KRTAP10-12: variants seen among roughly 807,000 people sequenced by gnomAD.
KRTAP10-12 encodes keratin-associated protein 10-12.
For synonymous variants in KRTAP10-12, 142 were observed against 139.1 expected, an observed-to-expected ratio of 1.02 and a Z score of -0.14; for missense variants, 311 against 324.4, an observed-to-expected ratio of 0.96 and a Z score of 0.32.
Position 44,697,504 on chromosome 21 carries a change from G to C in KRTAP10-12, c.303G>C (p.Gln101His). ...CTTGCTGCACCTCCTCCCCCTGCCA[G>C]CAGGCCTGCTGCGTGCCCGTCTGCT... ...QPACCTSSPC[Q>H]QACCVPVCCK... is the part of the protein sequence containing the mutation. The change falls in exon 1 of 1, where the codon CAG (glutamine) becomes CAC (histidine). Residue 101 changes from glutamine (Q) to histidine (H), a missense_variant. Physicochemically the swap from Gln to His is conservative, Grantham distance 24. Coordinates refer to ENST00000400365, the MANE Select transcript of KRTAP10-12 (RefSeq NM_198699.1). 6.2e-7 allele frequency: 1 copy of C among 1,612,586 alleles called. No individual in the cohort carries two copies. The highest frequency in any genetic ancestry group is 1.1e-5 in the South Asian group (1 of 90,972).
rs782587806 is a variant in KRTAP10-12 at position 44,697,821 on chromosome 21, G to A, written c.620G>A (p.Arg207His). The A allele has an allele frequency of 3.8e-5, 61 of 1,613,094 alleles. No homozygotes were observed. The highest frequency in any genetic ancestry group is 3.2e-4 in the South Asian group (29 of 91,026). ...LLCRPVCRPARRVPVPSCCVP... is the reference protein window; with the variant it reads ...LLCRPVCRPAHRVPVPSCCVP... Reference sequence around the variant, plus strand: ...TGCCGCCCTGTGTGCAGACCCGCCCGCCGCGTGCCCGTCCCCTCCTGCTGT... The same window carrying A: ...TGCCGCCCTGTGTGCAGACCCGCCCACCGCGTGCCCGTCCCCTCCTGCTGT... Residue 207 changes from arginine (R) to histidine (H), a missense_variant, in exon 1 of 1, where the codon CGC (arginine) becomes CAC (histidine). Arg to His is a conservative substitution (Grantham distance 29). Coordinates refer to ENST00000400365, the MANE Select transcript of KRTAP10-12 (RefSeq NM_198699.1).
rs1555950776 is a variant in KRTAP10-12, at chr21:44,697,348, C to G, written c.147C>G (p.Ser49Arg). The G allele has an allele frequency of 1.2e-6, 2 of 1,612,814 alleles. No individual in the cohort carries two copies. The highest frequency in any genetic ancestry group is 2.7e-5 in the African/African-American group (2 of 74,594). ...GCTGCGCCCCGGCCCCCTGCCTGAGCCTGGTCTGCACCCCAGTGAGCCGTG... is the reference window on the plus strand; with the variant it reads ...GCTGCGCCCCGGCCCCCTGCCTGAGGCTGGTCTGCACCCCAGTGAGCCGTG... ...PPCCAPAPCL[S>R]LVCTPVSRVS... The change falls in exon 1 of 1, where the codon AGC becomes AGG. Residue 49 changes from serine to arginine, a missense_variant. Coordinates refer to ENST00000400365, the MANE Select transcript of KRTAP10-12 (RefSeq NM_198699.1).
rs1555950877 is a variant in KRTAP10-12, at chr21:44,697,561, T to C, written c.360T>C (p.Cys120=). 3 of 1,613,762 alleles carry C rather than the reference T, an allele frequency of 1.9e-6. No individual in the cohort carries two copies. Among genetic ancestry groups the C allele is most frequent in the Admixed American group, 3.3e-5 (2 of 59,974 alleles). The part of the protein sequence containing the change: ...CKTVCCKPVC[C]MPVCCGPSSS... ...CTGTCTGCTGCAAGCCTGTGTGCTG[T>C]ATGCCCGTCTGCTGTGGGCCTTCTT... The change falls in exon 1 of 1, where the codon TGT becomes TGC. Residue 120 remains cysteine (C), a synonymous_variant. Coordinates refer to ENST00000400365, the MANE Select transcript of KRTAP10-12 (RefSeq NM_198699.1).
In KRTAP10-12 at chr21:44,697,200, C is replaced by T. The variant is rs782033461; in HGVS notation, c.-2C>T. On this transcript the variant is annotated 5_prime_UTR_variant, in exon 1 of 1. Transcript: ENST00000400365. Reference sequence around the variant, plus strand: ...TCAACCCCCAGCACGGCTGCATCCACCATGTCCGTCTGCTCCAGCGACCTG... The same window carrying T: ...TCAACCCCCAGCACGGCTGCATCCATCATGTCCGTCTGCTCCAGCGACCTG... 13 of 1,613,198 alleles carry T rather than the reference C, an allele frequency of 8.1e-6. No homozygotes were observed. The highest frequency in any genetic ancestry group is 1.7e-6 in the Non-Finnish European group (2 of 1,179,546).
In KRTAP10-12 at chr21:44,697,655, T is replaced by G. The variant is rs1555950912; in HGVS notation, c.454T>G (p.Cys152Gly). The G allele has an allele frequency of 1.2e-6, 2 of 1,614,002 alleles. No individual in the cohort carries two copies. Among genetic ancestry groups the G allele is most frequent in the Admixed American group, 3.3e-5 (2 of 60,004 alleles). Residue 152 changes from cysteine to glycine, a missense_variant, in exon 1 of 1, where the codon TGT (cysteine) becomes GGT (glycine). Coordinates refer to ENST00000400365, the MANE Select transcript of KRTAP10-12 (RefSeq NM_198699.1). ...CISSPCQQSCCVPVCCKPICC... is the reference protein window; with the variant it reads ...CISSPCQQSCGVPVCCKPICC... ...CTCCTCCCCGTGTCAACAGTCCTGC[T>G]GTGTGCCCGTCTGCTGCAAGCCCAT...
rs374262694 is a variant in KRTAP10-12 at position 44,697,549 on chromosome 21, G to C, written c.348G>C (p.Lys116Asn). The C allele has an allele frequency of 1.1e-5, 17 of 1,613,454 alleles. No individual in the cohort carries two copies. Among genetic ancestry groups the C allele is most frequent in the Middle Eastern group, 1.6e-4 (1 of 6,082 alleles). The change falls in exon 1 of 1, where the codon AAG (lysine) becomes AAC (asparagine). Residue 116 changes from lysine (K) to asparagine (N), a missense_variant. By Grantham distance (94) the Lys-to-Asn change is moderately conservative. Transcript: ENST00000400365. ...VPVCCKTVCC[K>N]PVCCMPVCCG... ...TCTGCTGCAAGACTGTCTGCTGCAA[G>C]CCTGTGTGCTGTATGCCCGTCTGCT...
In KRTAP10-12 at chr21:44,697,189, G is replaced by C; in HGVS notation, c.-13G>C. 6.2e-7 allele frequency: 1 copy of C among 1,611,406 alleles called. No individual in the cohort carries two copies. Among genetic ancestry groups the C allele is most frequent in the Non-Finnish European group, 8.5e-7 (1 of 1,178,640 alleles). ...GCTCCCCCAGCTCAACCCCCAGCAC[G>C]GCTGCATCCACCATGTCCGTCTGCT... is the stretch of plus-strand genomic sequence containing the variant. On this transcript the variant is annotated 5_prime_UTR_variant, in exon 1 of 1. Coordinates refer to ENST00000400365, the MANE Select transcript of KRTAP10-12 (RefSeq NM_198699.1).
rs556006639 is a variant in KRTAP10-12, at chr21:44,697,476, C to A, written c.275C>A (p.Pro92Gln). 5.6e-6 allele frequency: 9 copies of A among 1,613,994 alleles called. No individual in the cohort carries two copies. In the South Asian group the frequency reaches 9.9e-5, roughly 18 times the overall value. Reference protein sequence around the residue: ...PSCCQQSSCQPACCTSSPCQQ... With the variant: ...PSCCQQSSCQQACCTSSPCQQ... ...TGCTGCCAGCAGTCTAGCTGCCAGCCGGCTTGCTGCACCTCCTCCCCCTGC... is the reference window on the plus strand; with the variant it reads ...TGCTGCCAGCAGTCTAGCTGCCAGCAGGCTTGCTGCACCTCCTCCCCCTGC... The change falls in exon 1 of 1, where the codon CCG becomes CAG. Residue 92 changes from proline to glutamine, a missense_variant. Transcript: ENST00000400365.
Position 44,697,439 on chromosome 21 carries a change from T to C in KRTAP10-12, c.238T>C (p.Cys80Arg). 3.7e-6 allele frequency: 6 copies of C among 1,614,054 alleles called. No individual in the cohort carries two copies. Among genetic ancestry groups the C allele is most frequent in the Non-Finnish European group, 4.2e-6 (5 of 1,180,028 alleles). The change falls in exon 1 of 1, where the codon TGC becomes CGC. Residue 80 changes from cysteine to arginine, a missense_variant. By Grantham distance (180) the Cys-to-Arg change is radical. Transcript: ENST00000400365. Reference sequence around the variant, plus strand: ...CTGCCAATCAGGCTGCACCAGCTCCTGCACGCCCTCGTGCTGCCAGCAGTC... The same window carrying C: ...CTGCCAATCAGGCTGCACCAGCTCCCGCACGCCCTCGTGCTGCCAGCAGTC... ...SPCQSGCTSS[C>R]TPSCCQQSSC... is the part of the protein sequence containing the mutation.
Position 44,697,233 on chromosome 21 carries a change from G to A in KRTAP10-12, c.32G>A (p.Gly11Asp). Residue 11 changes from glycine to aspartate, a missense_variant, in exon 1 of 1, where the codon GGC (glycine) becomes GAC (aspartate). Transcript: ENST00000400365. MSVCSSDLSY[G>D]SRVCLPGSCD... ...GTCTGCTCCAGCGACCTGAGCTATG[G>A]CAGCCGCGTCTGCCTTCCTGGTTCC... 2 of 1,614,018 alleles carry A rather than the reference G, an allele frequency of 1.2e-6. No homozygotes were observed. The highest frequency in any genetic ancestry group is 2.2e-5 in the South Asian group (2 of 91,062).
Position 44,697,391 on chromosome 21 carries a change from C to G in KRTAP10-12, c.190C>G (p.Arg64Gly), listed in dbSNP as rs370764650. 2 of 1,613,462 alleles carry G rather than the reference C, an allele frequency of 1.2e-6. No individual in the cohort carries two copies. The highest frequency in any genetic ancestry group is 1.7e-6 in the Non-Finnish European group (2 of 1,180,004). Reference sequence around the variant, plus strand: ...GAGCCGTGTATCCAGCCCCTGCTGCCGAGTGACCTGTGAGCCCAGCCCCTG... The same window carrying G: ...GAGCCGTGTATCCAGCCCCTGCTGCGGAGTGACCTGTGAGCCCAGCCCCTG... ...PVSRVSSPCC[R>G]VTCEPSPCQS... The change falls in exon 1 of 1, where the codon CGA becomes GGA. Residue 64 changes from arginine (R) to glycine (G), a missense_variant. By Grantham distance (125) the Arg-to-Gly change is moderately radical (BLOSUM62 -2). Coordinates refer to ENST00000400365, the MANE Select transcript of KRTAP10-12 (RefSeq NM_198699.1).
At position 44,697,814 on chromosome 21, in the gene KRTAP10-12, C is replaced by G. The variant is rs547856197; in HGVS notation, c.613C>G (p.Pro205Ala). The change falls in exon 1 of 1, where the codon CCC (proline) becomes GCC (alanine). Residue 205 changes from proline (P) to alanine (A), a missense_variant. Transcript: ENST00000400365. ...CCTCCTCTGCCGCCCTGTGTGCAGA[C>G]CCGCCCGCCGCGTGCCCGTCCCCTC... ...VSLLCRPVCRPARRVPVPSCC... is the reference protein window; with the variant it reads ...VSLLCRPVCRAARRVPVPSCC... 3.1e-6 allele frequency: 5 copies of G among 1,613,670 alleles called. No individual in the cohort carries two copies. Among genetic ancestry groups the G allele is most frequent in the East Asian group, 2.2e-5 (1 of 44,876 alleles).
chr21:44,697,813 ACCCGCCCGCCGCGTGCCCGT>A lies in KRTAP10-12; in HGVS notation c.616_635del (p.Ala206LeufsTer?). 6.2e-7 allele frequency: 1 copy of A among 1,608,832 alleles called. No individual in the cohort carries two copies. Among genetic ancestry groups the A allele is most frequent in the Non-Finnish European group, 8.5e-7 (1 of 1,178,468 alleles). On this transcript the variant is annotated frameshift_variant, in exon 1 of 1. Coordinates refer to ENST00000400365, the MANE Select transcript of KRTAP10-12 (RefSeq NM_198699.1). LOFTEE classifies it low-confidence loss of function (END_TRUNC). ...CCCTCCTCTGCCGCCCTGTGTGCAG[ACCCGCCCGCCGCGTGCCCGT>A]CCCCTCCTGCTGTGTCCCCACCTCC...
rs1190156649 is a variant in KRTAP10-12, at chr21:44,697,776, C to A, written c.575C>A (p.Ser192Tyr). Residue 192 changes from serine to tyrosine, a missense_variant, in exon 1 of 1, where the codon TCC becomes TAC. Ser to Tyr is a moderately radical substitution (Grantham distance 144, BLOSUM62 -2). Transcript: ENST00000400365. ...TGCACCACCTCCTGCTGCAGACCCTCCTCCTCCGTGTCCCTCCTCTGCCGC... is the reference window on the plus strand; with the variant it reads ...TGCACCACCTCCTGCTGCAGACCCTACTCCTCCGTGTCCCTCCTCTGCCGC... Reference protein sequence around the residue: ...ACCTTSCCRPSSSVSLLCRPV... With the variant: ...ACCTTSCCRPYSSVSLLCRPV... 1 of 1,613,932 alleles carries A rather than the reference C, an allele frequency of 6.2e-7. No homozygotes were observed. Among genetic ancestry groups the A allele is most frequent in the Admixed American group, 1.7e-5 (1 of 60,006 alleles).
rs782465786 is a variant in KRTAP10-12 at position 44,697,808 on chromosome 21, T to G, written c.607T>G (p.Cys203Gly). 7.4e-6 allele frequency: 12 copies of G among 1,613,744 alleles called. No individual in the cohort carries two copies. In the Admixed American group the frequency reaches 2.0e-4, roughly 27 times the overall value. The part of the protein sequence containing the change: ...SSVSLLCRPV[C>G]RPARRVPVPS... The stretch of plus-strand genomic sequence containing the variant: ...CGTGTCCCTCCTCTGCCGCCCTGTG[T>G]GCAGACCCGCCCGCCGCGTGCCCGT... Residue 203 changes from cysteine to glycine, a missense_variant, in exon 1 of 1, where the codon TGC becomes GGC. Coordinates refer to ENST00000400365, the MANE Select transcript of KRTAP10-12 (RefSeq NM_198699.1).
At position 44,697,635 on chromosome 21, in the gene KRTAP10-12, C is replaced by G. The variant is rs1987431359; in HGVS notation, c.434C>G (p.Ser145Cys). The G allele has an allele frequency of 6.2e-7, 1 of 1,614,044 alleles. No homozygotes were observed. Among genetic ancestry groups the G allele is most frequent in the Non-Finnish European group, 8.5e-7 (1 of 1,179,996 alleles). Reference sequence around the variant, plus strand: ...TGCCAGCCAGCTTGCTGCATCTCCTCCCCGTGTCAACAGTCCTGCTGTGTG... The same window carrying G: ...TGCCAGCCAGCTTGCTGCATCTCCTGCCCGTGTCAACAGTCCTGCTGTGTG... ...SSCQPACCIS[S>C]PCQQSCCVPV... is the part of the protein sequence containing the mutation. Residue 145 changes from serine (S) to cysteine (C), a missense_variant, in exon 1 of 1, where the codon TCC becomes TGC. Ser to Cys is a moderately radical substitution (Grantham distance 112). Transcript: ENST00000400365.
In KRTAP10-12 at chr21:44,697,639, G is replaced by GT; in HGVS notation, c.439dup (p.Cys147LeufsTer32). ...AGCCAGCTTGCTGCATCTCCTCCCC[G>GT]TGTCAACAGTCCTGCTGTGTGCCCG... On this transcript the variant is annotated frameshift_variant, in exon 1 of 1. Coordinates refer to ENST00000400365, the MANE Select transcript of KRTAP10-12 (RefSeq NM_198699.1). LOFTEE classifies it low-confidence loss of function (END_TRUNC). The GT allele has an allele frequency of 6.2e-7, 1 of 1,610,498 alleles. No homozygotes were observed.
Position 44,697,897 on chromosome 21 carries a change from G to T in KRTAP10-12, c.696G>T (p.Gly232=), listed in dbSNP as rs782519863. Residue 232 remains glycine, a synonymous_variant, in exon 1 of 1, where the codon GGG becomes GGT. Transcript: ENST00000400365. ...QPSCGRLASC[G]SLLCRPTCSR... ...GCTGCGGCCGCCTGGCCTCCTGCGG[G>T]TCCCTCCTCTGCCGCCCCACATGTT... 2.2e-5 allele frequency: 36 copies of T among 1,612,550 alleles called. No homozygotes were observed. Among genetic ancestry groups the T allele is most frequent in the African/African-American group, 1.5e-4 (11 of 74,846 alleles).
Position 44,697,864 on chromosome 21 carries a change from C to A in KRTAP10-12, c.663C>A (p.Cys221Ter), listed in dbSNP as rs782142378. ...VPSCCVPTSS[C>*]QPSCGRLASC... ...CCTGCTGTGTCCCCACCTCCTCCTGCCAGCCAAGCTGCGGCCGCCTGGCCT... is the reference window on the plus strand; with the variant it reads ...CCTGCTGTGTCCCCACCTCCTCCTGACAGCCAAGCTGCGGCCGCCTGGCCT... Residue 221 changes from cysteine (C) to a stop codon, truncating the protein, a stop_gained, in exon 1 of 1, where the codon TGC (cysteine) becomes TGA (stop). Transcript: ENST00000400365. LOFTEE classifies it low-confidence loss of function (END_TRUNC). 1 of 1,603,830 alleles carries A rather than the reference C, an allele frequency of 6.2e-7. No individual in the cohort carries two copies. Among genetic ancestry groups the A allele is most frequent in the Non-Finnish European group, 8.5e-7 (1 of 1,174,906 alleles).
Sources: allele counts gnomAD v4.1 joint callset, GRCh38; gene constraint gnomAD v4.1.1; transcripts MANE v1.5; gene names NCBI Gene and HGNC (gene_info 2026-07-23, HGNC 2026-07-21).